PXMP2: variants seen among roughly 807,000 people sequenced by gnomAD.
The protein encoded by PXMP2 is 22 kDa peroxisomal membrane protein.
A neutral mutation model predicts 20.2 loss-of-function variants in PXMP2; 13 were observed. The observed-to-expected ratio is 0.64, with a 90% CI of 0.42 to 1.02. PXMP2 has a LOEUF of 1.02. Ranked by LOEUF, PXMP2 falls within the 50% of genes least tolerant of loss-of-function variation. The pLI, the probability that PXMP2 is intolerant of heterozygous loss-of-function variation, is 0.00. For missense variants in PXMP2, 284 were observed against 251.8 expected (o/e 1.13, Z -0.87); for synonymous variants, 113 against 111.2 (o/e 1.02, Z -0.10).
In PXMP2 at chr12:132,696,031, C is replaced by A. The variant is rs369772287; in HGVS notation, c.384C>A (p.Ile128=). The A allele has an allele frequency of 4.4e-6, 7 of 1,607,256 alleles. No individual in the cohort carries two copies. The highest frequency in any genetic ancestry group is 5.9e-6 in the Non-Finnish European group (7 of 1,176,692). The part of the protein sequence containing the change: ...APAFLMLFFL[I]MNFLEGKDAS... The stretch of plus-strand genomic sequence containing the variant: ...CCTTCCTCATGTTGTTCTTCCTCAT[C>A]ATGAACTTTCTGGAGGTGGGTGTCT... Residue 128 remains isoleucine (I), a synonymous_variant, in exon 3 of 5, where the codon ATC becomes ATA. Transcript: ENST00000317479. The surrounding 1 kb of genome is among the most constrained non-coding windows in gnomAD (Gnocchi z 4.4).
chr12:132,698,009 C>G (rs76787745), intron 3 of PXMP2, among the ~76,000 whole-genome samples: 1,701 of 150,506 alleles, frequency 0.011, 36 homozygotes, highest in African/African-American at 0.039. Flanking sequence ...TGAGACGTGT[C>G]ACCTTTTTTT....
intron 4 of PXMP2, chr12:132,701,766 C>A (rs1030138138): frequency 8.6e-6 from 2 of 233,576 alleles, no homozygotes; most frequent in Non-Finnish European, 1.7e-5. Context: ...TTGCAGTCCT[C>A]AAACTTGGCC....
intron 3 of PXMP2, among the ~76,000 whole-genome samples, chr12:132,697,987 G>T (rs1593108120): frequency 6.6e-6 from 1 of 150,558 alleles, no homozygotes; most frequent in East Asian, 2.0e-4. Flanking sequence ...CAGCCAGGTT[G>T]TGCTGTGTGT....
At chr12:132,695,658 G>A (rs1373189696) in intron 2 of PXMP2, among the ~76,000 whole-genome samples, 7 of 152,348 alleles carry the variant, frequency 4.6e-5, no homozygotes, top group South Asian at 4.1e-4. Flanking sequence ...ATAGCTAGGC[G>A]GGGACGCGCT....
At position 132,696,181 on chromosome 12, in the gene PXMP2, TAG is replaced by T; in HGVS notation, c.399+136_399+137del. On this transcript the variant is annotated intron_variant, in intron 3 of 4. Transcript: ENST00000317479. This position sits in a 1 kb window ranked among gnomAD's most constrained non-coding sequence, Gnocchi z 4.4. ...AATTTTGCATTTTCTTTTATGAATA[TAG>T]GAAGCAAACATCTAGTATTGGCAGG... 9.7e-7 allele frequency: 1 copy of T among 1,035,094 alleles called. No homozygotes were observed. Among genetic ancestry groups the T allele is most frequent in the South Asian group, 1.9e-5 (1 of 52,700 alleles). The allele number at this position is 1,035,094 out of a possible 1,614,324, so 64.1% of individuals were successfully genotyped here. A position where few individuals can be genotyped will look rare whatever the true frequency, so the allele number is the denominator to read the frequency against.
At chr12:132,698,713 G>A (rs1593108433) in intron 3 of PXMP2, among the ~76,000 whole-genome samples, 2 of 152,044 alleles carry the variant, frequency 1.3e-5, no homozygotes, top group Admixed American at 6.6e-5. Flanking sequence ...TGCAACCTCC[G>A]CCTCTCGGGT....
intron 3 of PXMP2, among the ~76,000 whole-genome samples, chr12:132,697,495 C>T (rs1221836562): frequency 6.6e-6 from 1 of 151,868 alleles, no homozygotes; most frequent in East Asian, 2.0e-4. Flanking sequence ...GCAACCTCTG[C>T]CTCCCGGGTT....
Position 132,693,298 on chromosome 12 carries a change from TTAGA to T in PXMP2, c.237-2582_237-2579del, listed in dbSNP as rs1467531433. Among the ~76,000 whole-genome samples the T allele has an allele frequency of 1.0e-4, 5 of 48,076 alleles. 1 individual carries two copies. Among genetic ancestry groups the T allele is most frequent in the African/African-American group, 3.4e-4 (5 of 14,690 alleles). The allele number at this position is 48,076 out of a possible 152,430, so 31.5% of individuals were successfully genotyped here. ...TAGTTAAGTGAGCGCCCTTAGCCAG[TTAGA>T]TAGTGAGCGCCCTTAGCCAGTTAGT... On this transcript the variant is annotated intron_variant, in intron 2 of 4. Coordinates refer to ENST00000317479, the MANE Select transcript of PXMP2 (RefSeq NM_018663.3).
At chr12:132,698,748 T>C (rs983107733) in intron 3 of PXMP2, among the ~76,000 whole-genome samples, 7 of 152,258 alleles carry the variant, frequency 4.6e-5, no homozygotes, top group African/African-American at 1.4e-4. Flanking sequence ...TGTCTCAGCC[T>C]CCAGAGTAGC....
chr12:132,690,695 A>G (rs1395636573), intron 2 of PXMP2, among the ~76,000 whole-genome samples: 1 of 151,938 alleles, frequency 6.6e-6, no homozygotes, highest in African/African-American at 2.4e-5. Flanking sequence ...ACAGGCACAC[A>G]CCGCCATGCC....
intron 4 of PXMP2, among the ~76,000 whole-genome samples, chr12:132,704,207 G>C (rs1355954665): frequency 6.6e-6 from 1 of 152,188 alleles, no homozygotes; most frequent in African/African-American, 2.4e-5. Flanking sequence ...CAGTGGGATG[G>C]TGATGGGTTA....
intron 2 of PXMP2, among the ~76,000 whole-genome samples, chr12:132,691,345 G>C (rs1256288055): frequency 6.6e-6 from 1 of 152,170 alleles, no homozygotes; most frequent in Non-Finnish European, 1.5e-5. Context: ...ACAGTGCCTG[G>C]CCTCTATTGT....
rs975947885 is a variant in PXMP2, at chr12:132,696,130, G to T, written c.399+84G>T. On this transcript the variant is annotated intron_variant, in intron 3 of 4. Coordinates refer to ENST00000317479, the MANE Select transcript of PXMP2 (RefSeq NM_018663.3). The surrounding 1 kb of genome is among the most constrained non-coding windows in gnomAD (Gnocchi z 4.4). ...TGACATTCTCGGCAGAATTCAGAGG[G>T]TCTGCAGATTTTTCACTCAAATTGA... is the stretch of plus-strand genomic sequence containing the variant. 1.4e-5 allele frequency: 19 copies of T among 1,406,624 alleles called. No homozygotes were observed. In the Admixed American group the frequency reaches 2.3e-4, roughly 17 times the overall value. The allele number at this position is 1,406,624 out of a possible 1,614,324, so 87.1% of individuals were successfully genotyped here.
intron 2 of PXMP2, among the ~76,000 whole-genome samples, chr12:132,692,382 G>A (rs868339363): frequency 1.5e-4 from 15 of 97,902 alleles, no homozygotes; most frequent in South Asian, 7.0e-4. Flanking sequence ...TTGCCAGTTA[G>A]TTAGTGAGCT....
In PXMP2 at chr12:132,700,041, CCT is replaced by C. The variant is rs1565993154; in HGVS notation, c.400-1208_400-1207del. 1.1e-4 allele frequency among the ~76,000 whole-genome samples: 16 copies of C among 140,220 alleles called. 4 individuals carry two copies. Among genetic ancestry groups the C allele is most frequent in the Non-Finnish European group, 1.4e-4 (9 of 63,158 alleles). 92.0% of individuals were successfully genotyped at this position (140,220 alleles called of 152,430 possible). A position where few individuals can be genotyped will look rare whatever the true frequency, so the allele number is the denominator to read the frequency against. On this transcript the variant is annotated intron_variant, in intron 3 of 4. Coordinates refer to ENST00000317479, the MANE Select transcript of PXMP2 (RefSeq NM_018663.3). ...CTTGCCAGCATCTATTGTTTTTTGACCTTTTTTTTTTTTTTTTTGAGGCAGAG... is the reference window on the plus strand; with the variant it reads ...CTTGCCAGCATCTATTGTTTTTTGACTTTTTTTTTTTTTTTTGAGGCAGAG...
At chr12:132,702,836 G>A (rs1236426305) in intron 4 of PXMP2, among the ~76,000 whole-genome samples, 1 of 152,176 alleles carries the variant, frequency 6.6e-6, no homozygotes, top group African/African-American at 2.4e-5. Flanking sequence ...GCCCTGCCCA[G>A]GAGGGAGGAA....
intron 1 of PXMP2, among the ~76,000 whole-genome samples, chr12:132,689,474 C>A (rs996636153): frequency 5.3e-5 from 8 of 152,154 alleles, no homozygotes; most frequent in African/African-American, 1.9e-4. Flanking sequence ...AGAGGTGCAG[C>A]TTGGACTCAG....
At position 132,687,713 on chromosome 12, in the gene PXMP2, G is replaced by C; in HGVS notation, c.43G>C (p.Gly15Arg). 7.5e-6 allele frequency: 9 copies of C among 1,204,960 alleles called. No homozygotes were observed. The highest frequency in any genetic ancestry group is 3.4e-4 in the Middle Eastern group (1 of 2,936). The allele number at this position is 1,204,960 out of a possible 1,614,324, so 74.6% of individuals were successfully genotyped here. The change falls in exon 1 of 5, where the codon GGG (glycine) becomes CGG (arginine). Residue 15 changes from glycine to arginine, a missense_variant. Physicochemically the swap from Gly to Arg is moderately radical, Grantham distance 125 (BLOSUM62 -2). Transcript: ENST00000317479. Reference sequence around the variant, plus strand: ...CAGGCTGCGGGCCGAAGCCGGGCTCGGGGCGCTGCCGCGGCGGGCGCTCGC... The same window carrying C: ...CAGGCTGCGGGCCGAAGCCGGGCTCCGGGCGCTGCCGCGGCGGGCGCTCGC... ...ASRLRAEAGL[G>R]ALPRRALAQY...
Position 132,687,606 on chromosome 12 carries a change from G to A in PXMP2, c.-65G>A, listed in dbSNP as rs1286514779. The A allele has an allele frequency of 1.6e-5, 19 of 1,165,436 alleles. No homozygotes were observed. The highest frequency in any genetic ancestry group is 1.9e-5 in the Non-Finnish European group (18 of 945,486). The allele number at this position is 1,165,436 out of a possible 1,614,324, so 72.2% of individuals were successfully genotyped here. A position where few individuals can be genotyped will look rare whatever the true frequency, so the allele number is the denominator to read the frequency against. ...GTCCCCACTCCGCTCTCGGCGCCTC[G>A]GGCTCCGCGCCCGGCCAGCCTGAGG... On this transcript the variant is annotated 5_prime_UTR_variant, in exon 1 of 5. Transcript: ENST00000317479.
Sources: allele counts gnomAD v4.1 joint callset (sites outside exome capture counted in the v4.1 genomes callset), GRCh38; gene constraint gnomAD v4.1.1; non-coding constraint Gnocchi (gnomAD v3.1); transcripts MANE v1.5; gene names NCBI Gene and HGNC (gene_info 2026-07-23, HGNC 2026-07-21).